Variants in MVB12B observed in about 807,000 individuals in gnomAD.
MVB12B encodes the protein ESCRT-I complex subunit MVB12B.
Under a neutral mutation model 41.6 loss-of-function variants are expected in MVB12B, and 16 were observed. The ratio of observed to expected loss-of-function variants is 0.38; its 90% CI spans 0.26 to 0.58. The LOEUF is 0.58. Ranked by LOEUF, MVB12B falls within the 20% of genes least tolerant of loss-of-function variation. MVB12B has a pLI of 0.62. For missense variants in MVB12B, 274 were observed against 380.2 expected, an observed-to-expected ratio of 0.72 and a Z score of 2.32; for synonymous variants, 133 against 139.7, an observed-to-expected ratio of 0.95 and a Z score of 0.34.
chr9:126,327,019 A>G lies in MVB12B; in HGVS notation c.81+9A>G. 1 of 156,304 alleles carries G rather than the reference A, an allele frequency of 6.4e-6. No individual in the cohort carries two copies. Among genetic ancestry groups the G allele is most frequent in the Non-Finnish European group, 1.4e-5 (1 of 73,716 alleles). 9.7% of individuals were successfully genotyped at this position (156,304 alleles called of 1,614,324 possible). A position where few individuals can be genotyped will look rare whatever the true frequency, so the allele number is the denominator to read the frequency against. ...CGCCCCAGCGGGGAACAGTTAAGTG[A>G]GGCCCGGGCGCCGCGGAGGCTCGGC... On this transcript the variant is annotated intron_variant, in intron 1 of 9. Coordinates refer to ENST00000361171, the MANE Select transcript of MVB12B (RefSeq NM_033446.3).
At chr9:126,406,359 G>C (rs1386631855) in intron 6 of MVB12B, among the ~76,000 whole-genome samples, 1 of 152,190 alleles carries the variant, frequency 6.6e-6, no homozygotes, top group Non-Finnish European at 1.5e-5. Flanking sequence ...GTTTTCCACA[G>C]CTTTTGAGAT....
At chr9:126,347,676 A>G (rs751804558) in intron 2 of MVB12B, among the ~76,000 whole-genome samples, 1 of 152,276 alleles carries the variant, frequency 6.6e-6, no homozygotes, top group East Asian at 1.9e-4. Flanking sequence ...AAGAATCTCA[A>G]TGGTGATACA....
intron 7 of MVB12B, among the ~76,000 whole-genome samples, chr9:126,446,938 CTTTT>C (rs33991689): frequency 6.7e-5 from 7 of 104,322 alleles, no homozygotes; most frequent in South Asian, 3.3e-4. Context: ...TTTTAACTTT[CTTTT>C]TTTTTTTTTT....
intron 2 of MVB12B, among the ~76,000 whole-genome samples, chr9:126,377,530 A>T (rs1394018084): frequency 1.3e-5 from 2 of 152,052 alleles, no homozygotes; most frequent in Non-Finnish European, 2.9e-5. Context: ...CCGTTACCTT[A>T]TTTGGGTAGC....
Position 126,391,941 on chromosome 9 carries a change from C to T in MVB12B, c.410-125C>T, listed in dbSNP as rs1830967789. 4 of 1,137,994 alleles carry T rather than the reference C, an allele frequency of 3.5e-6. No individual in the cohort carries two copies. The East Asian group carries it at 7.1e-5, about 20-fold the overall frequency. 70.5% of individuals were successfully genotyped at this position (1,137,994 alleles called of 1,614,324 possible). A position where few individuals can be genotyped will look rare whatever the true frequency, so the allele number is the denominator to read the frequency against. ...GGCGGCAGAGCGCAGCCCTTCTGTC[C>T]AGCAGCTTAGGTGACCTGCCACTTC... is the stretch of plus-strand genomic sequence containing the variant. On this transcript the variant is annotated intron_variant, in intron 4 of 9. Coordinates refer to ENST00000361171, the MANE Select transcript of MVB12B (RefSeq NM_033446.3). The surrounding 1 kb of genome is among the most constrained non-coding windows in gnomAD (Gnocchi z 4.4).
At chr9:126,441,259 G>A (rs772546352) in intron 7 of MVB12B, among the ~76,000 whole-genome samples, 4 of 152,162 alleles carry the variant, frequency 2.6e-5, no homozygotes, top group East Asian at 1.9e-4. Context: ...GCTTGAAGGC[G>A]AAACAAAAGG....
chr9:126,369,920 T>C (rs913014281), intron 2 of MVB12B, among the ~76,000 whole-genome samples: 5 of 152,230 alleles, frequency 3.3e-5, no homozygotes, highest in Non-Finnish European at 7.3e-5. Context: ...CCCAAAGTGC[T>C]GGGATTACAG....
Position 126,333,242 on chromosome 9 carries a change from A to G in MVB12B, c.81+6232A>G, listed in dbSNP as rs1289143884. 6.6e-6 allele frequency among the ~76,000 whole-genome samples: 1 copy of G among 151,956 alleles called. No individual in the cohort carries two copies. The highest frequency in any genetic ancestry group is 6.6e-5 in the Admixed American group (1 of 15,260). ...GGTGGGACTACAGGTGCGTGCCACC[A>G]TGCCTGGCTAATTTTTGTATTTTTA... On this transcript the variant is annotated intron_variant, in intron 1 of 9. Coordinates refer to ENST00000361171, the MANE Select transcript of MVB12B (RefSeq NM_033446.3). This position sits in a 1 kb window ranked among gnomAD's most constrained non-coding sequence, Gnocchi z 4.7.
rs1355134719 is a variant in MVB12B, at chr9:126,386,400, G to T, written c.313-162G>T. On this transcript the variant is annotated intron_variant, in intron 3 of 9. Transcript: ENST00000361171. This position sits in a 1 kb window ranked among gnomAD's most constrained non-coding sequence, Gnocchi z 4.3. ...CTTCCCAGGGGCCACACGAGTCCCT[G>T]CATAACCACTGGGGACCATTAAGTG... Among the ~76,000 whole-genome samples the T allele has an allele frequency of 6.6e-6, 1 of 152,172 alleles. No individual in the cohort carries two copies. Among genetic ancestry groups the T allele is most frequent in the Non-Finnish European group, 1.5e-5 (1 of 68,030 alleles).
intron 7 of MVB12B, among the ~76,000 whole-genome samples, chr9:126,454,485 C>T (rs570516409): frequency 1.1e-4 from 16 of 152,220 alleles, no homozygotes; most frequent in Non-Finnish European, 1.8e-4. Flanking sequence ...CATTGAGCCT[C>T]GGGCTCAGTA....
chr9:126,426,468 A>C (rs1187076034), intron 7 of MVB12B, among the ~76,000 whole-genome samples: 1 of 151,232 alleles, frequency 6.6e-6, no homozygotes, highest in Non-Finnish European at 1.5e-5. Context: ...CTCCAACCCC[A>C]CTCCTGAGTT....
chr9:126,411,533 AGGT>A (rs1242668945), intron 6 of MVB12B, among the ~76,000 whole-genome samples: 39 of 152,260 alleles, frequency 2.6e-4, no homozygotes, highest in Non-Finnish European at 7.3e-5. Context: ...ATTAAGTTTT[AGGT>A]CTGGGCATAG....
chr9:126,495,989 C>G (rs966071893), intron 9 of MVB12B, among the ~76,000 whole-genome samples: 1 of 151,892 alleles, frequency 6.6e-6, no homozygotes, highest in Non-Finnish European at 1.5e-5. Flanking sequence ...AGTTACTGTA[C>G]CATGGGATGG....
chr9:126,413,523 C>T (rs1015438955), intron 6 of MVB12B, among the ~76,000 whole-genome samples: 3 of 152,188 alleles, frequency 2.0e-5, no homozygotes, highest in Non-Finnish European at 4.4e-5. Context: ...AAATGCTGGT[C>T]CTTTTGTCGC....
chr9:126,347,277 C>T (rs914464294), intron 2 of MVB12B, among the ~76,000 whole-genome samples: 9 of 152,248 alleles, frequency 5.9e-5, no homozygotes, highest in African/African-American at 2.2e-4. Context: ...CGCTGGGAAG[C>T]CAGCCTTGGG....
chr9:126,338,110 G>T (rs1420226988), intron 1 of MVB12B, among the ~76,000 whole-genome samples: 3 of 152,002 alleles, frequency 2.0e-5, no homozygotes, highest in Non-Finnish European at 4.4e-5. Context: ...TGGATGGGTC[G>T]ACTGCAGCCC....
At chr9:126,344,958 ATC>A (rs2118838664) in intron 2 of MVB12B, among the ~76,000 whole-genome samples, 1 of 152,362 alleles carries the variant, frequency 6.6e-6, no homozygotes, top group Admixed American at 6.5e-5. Context: ...CACAGGTCCC[ATC>A]TCTCAACACT....
chr9:126,340,139 T>C lies in MVB12B; in HGVS notation c.82-369T>C, dbSNP rs147185302. On this transcript the variant is annotated intron_variant, in intron 1 of 9. Coordinates refer to ENST00000361171, the MANE Select transcript of MVB12B (RefSeq NM_033446.3). This position sits in a 1 kb window ranked among gnomAD's most constrained non-coding sequence, Gnocchi z 4.0. Reference sequence around the variant, plus strand: ...TGCAAGGGAGAGAGAGGAAAGGTGTTGTTAAGCTTAGCCGTGTCTGACATG... The same window carrying C: ...TGCAAGGGAGAGAGAGGAAAGGTGTCGTTAAGCTTAGCCGTGTCTGACATG... Among the ~76,000 whole-genome samples the C allele has an allele frequency of 1.6e-3, 239 of 152,236 alleles. 1 individual carries two copies. The highest frequency in any genetic ancestry group is 2.7e-3 in the Non-Finnish European group (185 of 68,008).
At chr9:126,454,689 C>T (rs1343362631) in intron 7 of MVB12B, among the ~76,000 whole-genome samples, 1 of 152,192 alleles carries the variant, frequency 6.6e-6, no homozygotes, top group African/African-American at 2.4e-5. Flanking sequence ...TGAATGTTTT[C>T]CTCTTCTTTT....
Sources: allele counts gnomAD v4.1 joint callset (sites outside exome capture counted in the v4.1 genomes callset), GRCh38; gene constraint gnomAD v4.1.1; non-coding constraint Gnocchi (gnomAD v3.1); transcripts MANE v1.5; gene names NCBI Gene and HGNC (gene_info 2026-07-23, HGNC 2026-07-21).